KIF24: variants seen among roughly 807,000 people sequenced by gnomAD.
The protein encoded by KIF24 is kinesin family member 24.
In KIF24, 81 loss-of-function variants were observed where a neutral mutation model predicts 118.9. The observed-to-expected ratio is 0.68, with a 90% CI of 0.57 to 0.82. KIF24 has a LOEUF of 0.82. KIF24 is among the 40% of genes least tolerant of loss of function. The probability of loss-of-function intolerance (pLI) is 0.00; values close to 1 mark genes in which losing one functional copy is unlikely to be tolerated. For missense variants in KIF24, 1,560 were observed against 1,661.6 expected, an observed-to-expected ratio of 0.94 and a Z score of 1.06; for synonymous variants, 599 against 610.0, an observed-to-expected ratio of 0.98 and a Z score of 0.27.
In KIF24 at chr9:34,301,580, A is replaced by C. The variant is rs542568821; in HGVS notation, c.814-4466T>G. On this transcript the variant is annotated intron_variant, in intron 3 of 12. Transcript: ENST00000402558. ...AGTAACATGTGGGCCAGGCACTTGTAATCCCAGCACCTTGAAAGGCTGAGG... is the reference window on the plus strand; with the variant it reads ...AGTAACATGTGGGCCAGGCACTTGTCATCCCAGCACCTTGAAAGGCTGAGG... Among the ~76,000 whole-genome samples the C allele has an allele frequency of 5.3e-5, 8 of 152,288 alleles. No homozygotes were observed. The East Asian group carries it at 1.5e-3, about 29-fold the overall frequency.
rs202209000 is a variant in KIF24, at chr9:34,323,638, A to G, written c.-26+5468T>C. Among the ~76,000 whole-genome samples the G allele has an allele frequency of 3.3e-5, 5 of 152,248 alleles. No homozygotes were observed. In the East Asian group the frequency reaches 9.6e-4, roughly 29 times the overall value. Reference sequence around the variant, plus strand: ...GAATATATTTCACATGTTCAATCAGAAAAATAACTGTTACAATCAGTTTTC... The same window carrying G: ...GAATATATTTCACATGTTCAATCAGGAAAATAACTGTTACAATCAGTTTTC... On this transcript the variant is annotated intron_variant, in intron 1 of 12. Coordinates refer to ENST00000402558, the MANE Select transcript of KIF24 (RefSeq NM_194313.4).
At chr9:34,260,321 T>C (rs1294879195) in intron 9 of KIF24, among the ~76,000 whole-genome samples, 1 of 152,228 alleles carries the variant, frequency 6.6e-6, no homozygotes, top group East Asian at 1.9e-4. Flanking sequence ...TAGTAATATT[T>C]AGTAAAAATC....
chr9:34,271,871 G>T lies in KIF24; in HGVS notation c.1275C>A (p.Ser425=), dbSNP rs747536331. ...STGATGVNAD[S]SRSHAVIQIQ... ...TTTGGATGACGGCATGGGAGCGGGA[G>T]GAGTCTGCATTAACTCCAGTGGCCC... is the stretch of plus-strand genomic sequence containing the variant. The change falls in exon 7 of 13, where the codon TCC becomes TCA. Residue 425 remains serine, a synonymous_variant. Transcript: ENST00000402558. 4.3e-6 allele frequency: 7 copies of T among 1,610,694 alleles called. No individual in the cohort carries two copies. The South Asian group carries it at 7.8e-5, about 18-fold the overall frequency.
intron 8 of KIF24, among the ~76,000 whole-genome samples, chr9:34,268,151 T>A (rs1051333010): frequency 3.3e-5 from 5 of 152,150 alleles, no homozygotes; most frequent in Admixed American, 3.3e-4. Flanking sequence ...AGTATCTCTT[T>A]GAGATACATT....
chr9:34,328,813 G>C (rs1487611863), intron 1 of KIF24, among the ~76,000 whole-genome samples: 4 of 152,238 alleles, frequency 2.6e-5, no homozygotes, highest in African/African-American at 9.6e-5. Context: ...AGAGGTGCCG[G>C]TCAGGCTTAT....
rs550087312 is a variant in KIF24 at position 34,280,240 on chromosome 9, C to G, written c.1215+6377G>C. Among the ~76,000 whole-genome samples the G allele has an allele frequency of 4.5e-3, 618 of 138,818 alleles. 1 individual carries two copies. The highest frequency in any genetic ancestry group is 0.039 in the Middle Eastern group (10 of 258). The allele number at this position is 138,818 out of a possible 152,430, so 91.1% of individuals were successfully genotyped here. On this transcript the variant is annotated intron_variant, in intron 6 of 12. Coordinates refer to ENST00000402558, the MANE Select transcript of KIF24 (RefSeq NM_194313.4). ...CGGAGCTTGCAGTGAGCCAAGATCC[C>G]GCCACTGCACTCCAACCTGGGCGAC...
intron 1 of KIF24, chr9:34,319,030 C>T (rs1587974280): frequency 2.4e-6 from 3 of 1,238,266 alleles, no homozygotes; most frequent in South Asian, 1.2e-5. Flanking sequence ...TCAAGCCACA[C>T]TGGAATGAGA....
chr9:34,327,536 T>C (rs1837707019), intron 1 of KIF24, among the ~76,000 whole-genome samples: 1 of 152,154 alleles, frequency 6.6e-6, no homozygotes, highest in African/African-American at 2.4e-5. Flanking sequence ...AATATGCATA[T>C]AAAGCCCTGG....
Position 34,255,945 on chromosome 9 carries a change from G to A in KIF24, c.3662C>T (p.Ala1221Val). The A allele has an allele frequency of 6.2e-7, 1 of 1,613,946 alleles. No homozygotes were observed. Among genetic ancestry groups the A allele is most frequent in the Non-Finnish European group, 8.5e-7 (1 of 1,179,878 alleles). Residue 1221 changes from alanine (A) to valine (V), a missense_variant, in exon 11 of 13, where the codon GCC becomes GTC. Physicochemically the swap from Ala to Val is moderately conservative, Grantham distance 64. Coordinates refer to ENST00000402558, the MANE Select transcript of KIF24 (RefSeq NM_194313.4). ...CCTTGTAGGATGTTTTCTCTCCTGG[G>A]CCCAGAGCTGGTCAGCCACATCACT... ...GSSDVADQLW[A>V]QERKHPTRLG...
Position 34,290,399 on chromosome 9 carries a change from G to C in KIF24, c.912-10C>G. The C allele has an allele frequency of 6.4e-7, 1 of 1,570,940 alleles. No homozygotes were observed. The highest frequency in any genetic ancestry group is 8.7e-7 in the Non-Finnish European group (1 of 1,144,292). Reference sequence around the variant, plus strand: ...GCAAGTGGCATTGCCTCTGGGGAAAGGATAATTTGCATTACTTATGCATAT... The same window carrying C: ...GCAAGTGGCATTGCCTCTGGGGAAACGATAATTTGCATTACTTATGCATAT... On this transcript the variant is annotated splice_polypyrimidine_tract_variant and intron_variant, in intron 4 of 12. Transcript: ENST00000402558.
At chr9:34,327,351 A>C (rs1369781977) in intron 1 of KIF24, among the ~76,000 whole-genome samples, 1 of 152,058 alleles carries the variant, frequency 6.6e-6, no homozygotes, top group Non-Finnish European at 1.5e-5. Flanking sequence ...ACGACAAAAG[A>C]GCAGCCCAGA....
upstream of KIF24, among the ~76,000 whole-genome samples, chr9:34,333,301 A>T (rs531279252): frequency 1.3e-5 from 2 of 152,152 alleles, no homozygotes; most frequent in East Asian, 3.9e-4. Context: ...CCAGCTAGAC[A>T]TCTTAACCTC....
At chr9:34,263,689 C>T (rs999400534) in intron 8 of KIF24, among the ~76,000 whole-genome samples, 1 of 151,686 alleles carries the variant, frequency 6.6e-6, no homozygotes, top group East Asian at 1.9e-4. Flanking sequence ...TAGAAGGAAA[C>T]TGAGAAATCA....
chr9:34,293,721 A>T (rs565869575), intron 4 of KIF24, among the ~76,000 whole-genome samples: 37 of 152,286 alleles, frequency 2.4e-4, no homozygotes, highest in Non-Finnish European at 4.4e-4. Context: ...GCTTGCAGTA[A>T]GCCAACATCG....
chr9:34,305,004 C>G (rs903379482), intron 3 of KIF24, among the ~76,000 whole-genome samples: 1 of 152,068 alleles, frequency 6.6e-6, no homozygotes, highest in African/African-American at 2.4e-5. Flanking sequence ...GTAAGAGAAA[C>G]TGTGTACTCT....
chr9:34,315,227 A>T (rs1320236711), intron 1 of KIF24, among the ~76,000 whole-genome samples: 1 of 152,026 alleles, frequency 6.6e-6, no homozygotes, highest in African/African-American at 2.4e-5. Context: ...TTTCTAAATA[A>T]AAAATTATAT....
intron 4 of KIF24, among the ~76,000 whole-genome samples, chr9:34,293,664 T>C (rs546379398): frequency 2.4e-3 from 357 of 151,668 alleles, no homozygotes; most frequent in South Asian, 4.8e-3. Flanking sequence ...CAGTCCCAGC[T>C]ACTCGGGAGG....
chr9:34,269,544 C>T (rs559121395), intron 7 of KIF24, among the ~76,000 whole-genome samples, 182 bp from the exon 8 acceptor site: 3 of 151,988 alleles, frequency 2.0e-5, no homozygotes, highest in African/African-American at 4.8e-5. Context: ...CTCAGCCTCC[C>T]GAGTAGCTGG....
intron 5 of KIF24, 23 bp downstream of exon 5, chr9:34,290,151 C>G (rs531305427): frequency 1.3e-6 from 2 of 1,520,192 alleles, no homozygotes; most frequent in South Asian, 2.3e-5. Context: ...ACAGATTTAT[C>G]GCTTCCCACT....
Sources: gnomAD v4.1 joint callset for allele counts (sites outside exome capture counted in the v4.1 genomes callset) on GRCh38, gnomAD v4.1.1 for gene constraint, MANE v1.5 for transcripts, NCBI Gene and HGNC (gene_info 2026-07-23, HGNC 2026-07-21) for gene names.